The following CNTN4 variants were observed in gnomAD, a reference collection of about 807,000 sequenced individuals.
CNTN4 encodes contactin 4.
A neutral mutation model predicts 122.5 loss-of-function variants in CNTN4; 77 were observed. That is an observed-to-expected ratio of 0.63 (90% CI 0.52 to 0.76). CNTN4 has a LOEUF of 0.76. CNTN4 is among the 30% of genes least tolerant of loss of function. The pLI, the probability that CNTN4 is intolerant of heterozygous loss-of-function variation, is 0.00. For synonymous variants in CNTN4, 512 were observed against 447.0 expected (o/e 1.15, Z -1.83); for missense variants, 1,256 against 1,259.1 (o/e 1.00, Z 0.04).
chr3:2,903,809 A>T (rs2094201348), intron 12 of CNTN4, among the ~76,000 whole-genome samples: 2 of 152,176 alleles, frequency 1.3e-5, no homozygotes, highest in Non-Finnish European at 2.9e-5. Flanking sequence ...GACGTCAAGG[A>T]TCATAATTGG....
At chr3:2,558,165 A>G (rs920900432) in intron 3 of CNTN4, among the ~76,000 whole-genome samples, 16 of 152,222 alleles carry the variant, frequency 1.1e-4, no homozygotes, top group Admixed American at 2.0e-4. Context: ...CAGCGTTTCC[A>G]TACGCCCATC....
chr3:2,702,146 CT>C (rs1346000734), intron 4 of CNTN4, among the ~76,000 whole-genome samples: 2 of 152,206 alleles, frequency 1.3e-5, no homozygotes, highest in Non-Finnish European at 2.9e-5. Context: ...AGAACAATGT[CT>C]GATTGACTTA....
chr3:3,003,693 A>AC (rs1246407980), intron 14 of CNTN4, among the ~76,000 whole-genome samples: 7 of 144,566 alleles, frequency 4.8e-5, no homozygotes, highest in Admixed American at 2.0e-4. Context: ...CCAAAAAAAA[A>AC]AAAAAAAAAA....
chr3:2,284,225 G>T (rs958766032), intron 2 of CNTN4, among the ~76,000 whole-genome samples: 4 of 152,036 alleles, frequency 2.6e-5, no homozygotes, highest in African/African-American at 9.7e-5. Context: ...AAGCAGTGAA[G>T]GAAACAACAT....
intron 3 of CNTN4, among the ~76,000 whole-genome samples, chr3:2,535,899 C>T (rs1322489449): frequency 6.6e-6 from 1 of 152,008 alleles, no homozygotes; most frequent in Non-Finnish European, 1.5e-5. Context: ...ATCTGGAAGT[C>T]TTTGACAGTT....
At chr3:2,462,588 T>A (rs1031177070) in intron 3 of CNTN4, among the ~76,000 whole-genome samples, 1 of 152,202 alleles carries the variant, frequency 6.6e-6, no homozygotes, top group Admixed American at 6.5e-5. Context: ...AGATTTTGTA[T>A]GCCTTTTATC....
At chr3:2,384,786 G>A (rs918536127) in intron 3 of CNTN4, among the ~76,000 whole-genome samples, 3 of 151,926 alleles carry the variant, frequency 2.0e-5, no homozygotes, top group Non-Finnish European at 4.4e-5. Flanking sequence ...GTGTGTGTGT[G>A]TGTTCATGTT....
At chr3:2,907,692 T>C (rs2151193041) in intron 12 of CNTN4, among the ~76,000 whole-genome samples, 1 of 152,338 alleles carries the variant, frequency 6.6e-6, no homozygotes, top group South Asian at 2.1e-4. Flanking sequence ...CCTTTTAATG[T>C]TGGGTGATAG....
At chr3:2,493,544 C>T (rs565825789) in intron 3 of CNTN4, among the ~76,000 whole-genome samples, 1 of 150,978 alleles carries the variant, frequency 6.6e-6, no homozygotes, top group African/African-American at 2.4e-5. Flanking sequence ...AATATTCTTC[C>T]AGTGATTTCT....
chr3:2,549,197 T>A (rs1387949001), intron 3 of CNTN4, among the ~76,000 whole-genome samples: 1 of 152,182 alleles, frequency 6.6e-6, no homozygotes, highest in African/African-American at 2.4e-5. Context: ...TTTATTTCTT[T>A]CTCTTGCCTG....
chr3:2,585,290 A>G lies in CNTN4; in HGVS notation c.55+13732A>G, dbSNP rs189397169. Among the ~76,000 whole-genome samples the G allele has an allele frequency of 4.1e-3, 624 of 151,716 alleles. 6 individuals carry two copies. The highest frequency in any genetic ancestry group is 0.014 in the African/African-American group (567 of 41,332). The stretch of plus-strand genomic sequence containing the variant: ...GTGGAAGTCAGAGTGGCGATTCCTC[A>G]GGGATCTAGAACTAGAAATACCATT... On this transcript the variant is annotated intron_variant, in intron 4 of 24. Transcript: ENST00000418658.
chr3:2,137,564 G>A (rs1432464780), intron 2 of CNTN4, among the ~76,000 whole-genome samples: 2 of 152,156 alleles, frequency 1.3e-5, no homozygotes, highest in African/African-American at 4.8e-5. Context: ...ACTTGCTTAA[G>A]TTATATTTGT....
Position 2,903,130 on chromosome 3 carries a change from G to C in CNTN4, c.1207+125G>C, listed in dbSNP as rs369743298. On this transcript the variant is annotated intron_variant, in intron 12 of 24. Transcript: ENST00000418658. Reference sequence around the variant, plus strand: ...GTAAAGAAATCTTTAGGCCAAAGATGCTACTCAAGAAACAAGTAATAAGCA... The same window carrying C: ...GTAAAGAAATCTTTAGGCCAAAGATCCTACTCAAGAAACAAGTAATAAGCA... 16 of 909,498 alleles carry C rather than the reference G, an allele frequency of 1.8e-5. 1 individual carries two copies. The East Asian group carries it at 4.0e-4, about 22-fold the overall frequency. The allele number at this position is 909,498 out of a possible 1,614,324, so 56.3% of individuals were successfully genotyped here.
intron 2 of CNTN4, among the ~76,000 whole-genome samples, chr3:2,244,529 T>A (rs2040068409): frequency 6.6e-6 from 1 of 152,156 alleles, no homozygotes; most frequent in Admixed American, 6.6e-5. Flanking sequence ...TATTTCACTA[T>A]TGTTTCTCTG....
At chr3:2,724,365 A>G (rs748470725) in intron 4 of CNTN4, among the ~76,000 whole-genome samples, 23 of 152,294 alleles carry the variant, frequency 1.5e-4, no homozygotes, top group Admixed American at 5.2e-4. Context: ...CTCATTCCCA[A>G]CTTCACTGTA....
At chr3:2,997,466 A>G (rs17650371) in intron 14 of CNTN4, among the ~76,000 whole-genome samples, 19,268 of 152,248 alleles carry the variant, frequency 0.13, 1,514 homozygotes, top group Non-Finnish European at 0.17. Context: ...ATAATTCATG[A>G]GTGACTCTCC....
intron 10 of CNTN4, among the ~76,000 whole-genome samples, chr3:2,894,582 T>C (rs888989238): frequency 1.3e-5 from 2 of 152,310 alleles, no homozygotes; most frequent in African/African-American, 2.4e-5. Context: ...CATATATTAG[T>C]AGTTTCCATT....
intron 2 of CNTN4, among the ~76,000 whole-genome samples, chr3:2,295,792 A>G (rs1443001799): frequency 6.6e-6 from 1 of 151,968 alleles, no homozygotes; most frequent in Non-Finnish European, 1.5e-5. Flanking sequence ...GTTTTTTTCT[A>G]GGGTTTTTAT....
At chr3:2,101,722 A>G (rs1161920989) in intron 2 of CNTN4, among the ~76,000 whole-genome samples, 1 of 152,178 alleles carries the variant, frequency 6.6e-6, no homozygotes, top group Non-Finnish European at 1.5e-5. Context: ...TATAAACTGA[A>G]GACATGCTGT....
Sources: allele counts gnomAD v4.1 joint callset (sites outside exome capture counted in the v4.1 genomes callset), GRCh38; gene constraint gnomAD v4.1.1; transcripts MANE v1.5; gene names NCBI Gene and HGNC (gene_info 2026-07-23, HGNC 2026-07-21).